ME1: variants seen among roughly 807,000 people sequenced by gnomAD.
ME1 encodes the protein malic enzyme 1, also known as NADP-dependent malic enzyme.
Under a neutral mutation model 66.4 loss-of-function variants are expected in ME1, and 74 were observed. That is an observed-to-expected ratio of 1.11 (90% CI 0.92 to 1.35). ME1 has a LOEUF of 1.35. ME1 is among the 40% of genes most tolerant of loss of function. The probability of loss-of-function intolerance (pLI) is 0.00; values close to 1 mark genes in which losing one functional copy is unlikely to be tolerated. For synonymous variants in ME1, 251 were observed against 235.6 expected, an observed-to-expected ratio of 1.07 and a Z score of -0.60; for missense variants, 750 against 694.1, an observed-to-expected ratio of 1.08 and a Z score of -0.90.
At chr6:83,221,158 CA>C (rs3216577) in intron 12 of ME1, among the ~76,000 whole-genome samples, 2 of 143,262 alleles carry the variant, frequency 1.4e-5, no homozygotes, top group African/African-American at 2.6e-5. Context: ...GACTCCGTCT[CA>C]AAAAAAAAAG....
intron 6 of ME1, among the ~76,000 whole-genome samples, chr6:83,314,973 G>C (rs1389898071): frequency 6.6e-6 from 1 of 152,064 alleles, no homozygotes; most frequent in African/African-American, 2.4e-5. Flanking sequence ...CAACCAGAAA[G>C]TACAGATTGT....
At chr6:83,240,034 G>C (rs1583334765) in intron 7 of ME1, among the ~76,000 whole-genome samples, 1 of 152,026 alleles carries the variant, frequency 6.6e-6, no homozygotes, top group Non-Finnish European at 1.5e-5. Flanking sequence ...ATATAAAAGA[G>C]TAATAAGTGC....
intron 13 of ME1, among the ~76,000 whole-genome samples, chr6:83,213,630 G>C (rs1789941019): frequency 6.6e-6 from 1 of 152,032 alleles, no homozygotes; most frequent in Non-Finnish European, 1.5e-5. Flanking sequence ...GCCTCCCGAA[G>C]TGCTGGGATT....
At chr6:83,215,054 C>T (rs749251673) in intron 13 of ME1, among the ~76,000 whole-genome samples, 61 of 152,166 alleles carry the variant, frequency 4.0e-4, no homozygotes, top group Non-Finnish European at 7.2e-4. Flanking sequence ...TACTTAAAAA[C>T]TAGCAGATAC....
chr6:83,301,018 G>A (rs1369869508), intron 6 of ME1, among the ~76,000 whole-genome samples: 1 of 152,112 alleles, frequency 6.6e-6, no homozygotes, highest in Middle Eastern at 3.2e-3. Flanking sequence ...GACACAGGAA[G>A]GGGAACATCA....
chr6:83,415,344 C>T (rs1458668487), intron 1 of ME1, among the ~76,000 whole-genome samples: 1 of 152,136 alleles, frequency 6.6e-6, no homozygotes, highest in Non-Finnish European at 1.5e-5. Flanking sequence ...GAATAATGAT[C>T]TCCTTCAAGG....
At chr6:83,220,392 C>T (rs373445919) in intron 12 of ME1, among the ~76,000 whole-genome samples, 3 of 152,296 alleles carry the variant, frequency 2.0e-5, no homozygotes, top group East Asian at 3.9e-4. Context: ...CCAGGATACA[C>T]TACAGACCAC....
At chr6:83,326,894 C>A (rs891743231) in intron 5 of ME1, among the ~76,000 whole-genome samples, 1 of 152,058 alleles carries the variant, frequency 6.6e-6, no homozygotes, top group Non-Finnish European at 1.5e-5. Context: ...GGTATATACC[C>A]AAAGGATTAT....
Position 83,345,366 on chromosome 6 carries a change from T to A in ME1, c.600+807A>T, listed in dbSNP as rs147409442. ...TCAAGTTAAACATTGTAACTTTCTATGTGTAGGTTAAAAACATAACTGTTT... is the reference window on the plus strand; with the variant it reads ...TCAAGTTAAACATTGTAACTTTCTAAGTGTAGGTTAAAAACATAACTGTTT... On this transcript the variant is annotated intron_variant, in intron 5 of 13. Transcript: ENST00000369705. Among the ~76,000 whole-genome samples the A allele has an allele frequency of 8.9e-3, 1,356 of 152,362 alleles. 19 individuals carry two copies. The highest frequency in any genetic ancestry group is 0.031 in the African/African-American group (1,270 of 41,588).
intron 6 of ME1, among the ~76,000 whole-genome samples, chr6:83,293,264 C>T (rs187781686): frequency 2.0e-5 from 3 of 152,254 alleles, no homozygotes; most frequent in Admixed American, 6.5e-5. Context: ...CGTTCCTATT[C>T]GGCCATCTTG....
rs746037012 is a variant in ME1 at position 83,349,015 on chromosome 6, A to AAAAAAAAAAAAAAAAAC, written c.439-2682_439-2681insGTTTTTTTTTTTTTTTT. Among the ~76,000 whole-genome samples, 10 of 124,068 alleles carry AAAAAAAAAAAAAAAAAC rather than the reference A, an allele frequency of 8.1e-5. 1 individual carries two copies. Among genetic ancestry groups the AAAAAAAAAAAAAAAAAC allele is most frequent in the African/African-American group, 2.8e-4 (9 of 32,276 alleles). 81.4% of individuals were successfully genotyped at this position (124,068 alleles called of 152,430 possible). A position where few individuals can be genotyped will look rare whatever the true frequency, so the allele number is the denominator to read the frequency against. On this transcript the variant is annotated intron_variant, in intron 4 of 13. Transcript: ENST00000369705. The stretch of plus-strand genomic sequence containing the variant: ...AAAAAAAAAAAACAAAAAACAAAAA[A>AAAAAAAAAAAAAAAAAC]CAGTGCATTCTTTCTTATTTCTTCA...
intron 3 of ME1, among the ~76,000 whole-genome samples, chr6:83,391,935 C>T (rs1023738458): frequency 3.3e-5 from 5 of 152,212 alleles, no homozygotes; most frequent in African/African-American, 9.6e-5. Context: ...CTCCTGATCC[C>T]CCTTTTCCTG....
chr6:83,226,404 T>C (rs975089782), intron 11 of ME1, among the ~76,000 whole-genome samples: 55 of 152,320 alleles, frequency 3.6e-4, no homozygotes, highest in African/African-American at 1.3e-3. Context: ...GGCATGATGC[T>C]AAGACTTGGT....
intron 12 of ME1, among the ~76,000 whole-genome samples, chr6:83,223,529 C>G (rs1790130990): frequency 1.3e-5 from 2 of 152,148 alleles, no homozygotes; most frequent in African/African-American, 4.8e-5. Context: ...AAAAATGTTC[C>G]TCTTAAGAAA....
At chr6:83,288,974 G>C (rs940764754) in intron 6 of ME1, among the ~76,000 whole-genome samples, 6 of 152,146 alleles carry the variant, frequency 3.9e-5, no homozygotes, top group Admixed American at 3.9e-4. Flanking sequence ...GTATAGGAAT[G>C]CTCATGATTT....
intron 5 of ME1, among the ~76,000 whole-genome samples, chr6:83,343,634 G>A (rs1382958120): frequency 6.6e-6 from 1 of 152,108 alleles, no homozygotes; most frequent in Non-Finnish European, 1.5e-5. Context: ...AAAAGAGAGA[G>A]AAAAAGCTAG....
In ME1 at chr6:83,212,060, G is replaced by T. The variant is rs149732997; in HGVS notation, c.1583C>A (p.Thr528Lys). 6 of 1,609,384 alleles carry T rather than the reference G, an allele frequency of 3.7e-6. No homozygotes were observed. The highest frequency in any genetic ancestry group is 3.4e-6 in the Non-Finnish European group (4 of 1,177,198). ...VKDAYQEKTA[T>K]VYPEPQNKEA... ...TTTGTTTTGCGGTTCAGGATAAACTGTGGCTGTCTTTTCTTGGTATGCATC... is the reference window on the plus strand; with the variant it reads ...TTTGTTTTGCGGTTCAGGATAAACTTTGGCTGTCTTTTCTTGGTATGCATC... Residue 528 changes from threonine (T) to lysine (K), a missense_variant, in exon 14 of 14, where the codon ACA becomes AAA. Coordinates refer to ENST00000369705, the MANE Select transcript of ME1 (RefSeq NM_002395.6).
At chr6:83,317,171 T>A (rs558113628) in intron 5 of ME1, among the ~76,000 whole-genome samples, 46 of 152,312 alleles carry the variant, frequency 3.0e-4, no homozygotes, top group African/African-American at 9.9e-4. Context: ...CAGGACTTGC[T>A]GGTAAAAGAT....
intron 1 of ME1, among the ~76,000 whole-genome samples, chr6:83,424,851 C>T (rs1417587416): frequency 2.6e-5 from 4 of 152,144 alleles, no homozygotes; most frequent in Non-Finnish European, 5.9e-5. Flanking sequence ...TATGGCTTCT[C>T]TCCTGGACTT....
Sources: allele counts gnomAD v4.1 joint callset (sites outside exome capture counted in the v4.1 genomes callset), GRCh38; gene constraint gnomAD v4.1.1; transcripts MANE v1.5; gene names NCBI Gene and HGNC (gene_info 2026-07-23, HGNC 2026-07-21).